The following TGM3 variants were observed in gnomAD, a reference collection of about 807,000 sequenced individuals.
TGM3 encodes transglutaminase 3.
TGM3 carries 52 observed loss-of-function variants against 73.8 expected under a neutral mutation model. The ratio of observed to expected loss-of-function variants is 0.70; its 90% confidence interval spans 0.56 to 0.89. The LOEUF is 0.89. Ranked by LOEUF, TGM3 falls within the 40% of genes least tolerant of loss-of-function variation. TGM3 has a pLI of 0.00. For synonymous variants in TGM3, 372 were observed against 354.9 expected, an observed-to-expected ratio of 1.05 and a Z score of -0.54; for missense variants, 928 against 909.9, an observed-to-expected ratio of 1.02 and a Z score of -0.26.
At position 2,334,485 on chromosome 20, in the gene TGM3, G is replaced by A. The variant is rs1324543212; in HGVS notation, c.1643-631G>A. 1.3e-5 allele frequency among the ~76,000 whole-genome samples: 2 copies of A among 152,202 alleles called. No homozygotes were observed. Among genetic ancestry groups the A allele is most frequent in the Non-Finnish European group, 2.9e-5 (2 of 68,038 alleles). On this transcript the variant is annotated intron_variant, in intron 10 of 12. Coordinates refer to ENST00000381458, the MANE Select transcript of TGM3 (RefSeq NM_003245.4). The surrounding 1 kb of genome is among the most constrained non-coding windows in gnomAD (Gnocchi z 4.0). ...AGAGACCAGACCAGAGGAATGAAGGGGATGCTGTGGCAGTAGAACCCCAGG... is the reference window on the plus strand; with the variant it reads ...AGAGACCAGACCAGAGGAATGAAGGAGATGCTGTGGCAGTAGAACCCCAGG...
chr20:2,340,033 C>CGGGAGGGGGG (rs758400021), intron 12 of TGM3, 46 bp downstream of exon 12: 22 of 198,302 alleles, frequency 1.1e-4, no homozygotes, highest in Non-Finnish European at 1.5e-4. Context: ...CGGGAGGGGG[C>CGGGAGGGGGG]GGGGGGGCCC....
intron 11 of TGM3, among the ~76,000 whole-genome samples, chr20:2,337,712 T>G (rs1487694089): frequency 2.0e-5 from 3 of 151,178 alleles, no homozygotes; most frequent in African/African-American, 7.3e-5. Context: ...AGAGTGAGAC[T>G]CCGTCAAAAA....
chr20:2,322,354 T>C (rs2084266830), intron 7 of TGM3, among the ~76,000 whole-genome samples: 1 of 152,194 alleles, frequency 6.6e-6, no homozygotes, highest in South Asian at 2.1e-4. Flanking sequence ...AGACGGAGCA[T>C]ATAATAGACA....
At chr20:2,340,040 G>GGGGGGGGGGGGGGGCGGGC in intron 12 of TGM3, 53 bp downstream of exon 12, 3 of 944,846 alleles carry the variant, frequency 3.2e-6, no homozygotes, top group Non-Finnish European at 4.8e-6. Context: ...GGGCGGGGGG[G>GGGGGGGGGGGGGGGCGGGC]CCCTCCAGAT....
chr20:2,337,644 C>T (rs534444070), intron 11 of TGM3, among the ~76,000 whole-genome samples: 17 of 150,380 alleles, frequency 1.1e-4, no homozygotes, highest in African/African-American at 2.7e-4. Flanking sequence ...TGCTTGAACC[C>T]GAGAGGCAGC....
intron 7 of TGM3, 124 bp from the exon 8 acceptor site, chr20:2,325,725 T>A: frequency 1.4e-6 from 1 of 720,656 alleles, no homozygotes; most frequent in Non-Finnish European, 2.5e-6. Context: ...ATAACCGCCG[T>A]CACAGGGCAA....
chr20:2,336,931 T>C (rs1456221340), intron 11 of TGM3, among the ~76,000 whole-genome samples: 1 of 152,112 alleles, frequency 6.6e-6, no homozygotes, highest in Admixed American at 6.5e-5. Flanking sequence ...GCTCCCAAAT[T>C]AGGCTCCCAA....
chr20:2,306,266 T>C (rs758098353), intron 1 of TGM3, among the ~76,000 whole-genome samples: 2 of 152,104 alleles, frequency 1.3e-5, no homozygotes, highest in African/African-American at 2.4e-5. Flanking sequence ...GAGCAGACTT[T>C]CTACTTTCAA....
At chr20:2,327,314 C>CAAAA (rs1332804892) in intron 8 of TGM3, among the ~76,000 whole-genome samples, 1 of 143,640 alleles carries the variant, frequency 7.0e-6, no homozygotes. Flanking sequence ...ACTAAAATTA[C>CAAAA]AAAAAAAAAA....
intron 12 of TGM3, 40 bp downstream of exon 12, chr20:2,340,027 A>AGGGGG: frequency 7.5e-6 from 1 of 133,152 alleles, no homozygotes; most frequent in Non-Finnish European, 1.6e-5. Flanking sequence ...GGAGGGCGGG[A>AGGGGG]GGGGGCGGGG....
At position 2,332,189 on chromosome 20, in the gene TGM3, C is replaced by T. The variant is rs974898390; in HGVS notation, c.1521C>T (p.Asn507=). 2.5e-6 allele frequency: 4 copies of T among 1,614,114 alleles called. No individual in the cohort carries two copies. Among genetic ancestry groups the T allele is most frequent in the Non-Finnish European group, 3.4e-6 (4 of 1,179,998 alleles). Residue 507 remains asparagine (N), a synonymous_variant, in exon 10 of 13, where the codon AAC becomes AAT. Coordinates refer to ENST00000381458, the MANE Select transcript of TGM3 (RefSeq NM_003245.4). The surrounding 1 kb of genome is among the most constrained non-coding windows in gnomAD (Gnocchi z 4.4). ...KEVNLVLLLK[N]LSRDTKTVTV... ...TCAACCTGGTCCTACTGCTCAAAAA[C>T]CTGAGCAGGGATACGAAGACAGTGA...
At chr20:2,323,177 T>C (rs2084270490) in intron 7 of TGM3, among the ~76,000 whole-genome samples, 1 of 152,240 alleles carries the variant, frequency 6.6e-6, no homozygotes, top group Non-Finnish European at 1.5e-5. Flanking sequence ...CAGTATACCC[T>C]GAACCCAATT....
chr20:2,329,280 T>C (rs1165946847), intron 9 of TGM3, among the ~76,000 whole-genome samples: 2 of 152,202 alleles, frequency 1.3e-5, no homozygotes, highest in African/African-American at 2.4e-5. Context: ...TAAGTGACGG[T>C]TGGCTAATGG....
intron 11 of TGM3, among the ~76,000 whole-genome samples, chr20:2,339,245 C>T (rs1432069483): frequency 6.6e-6 from 1 of 152,200 alleles, no homozygotes; most frequent in South Asian, 2.1e-4. Flanking sequence ...CCTGGGGCTG[C>T]CCTTTTCAAC....
rs376434552 is a variant in TGM3, at chr20:2,317,334, C to T, written c.848-16C>T. The T allele has an allele frequency of 8.4e-5, 136 of 1,614,056 alleles. No individual in the cohort carries two copies. Among genetic ancestry groups the T allele is most frequent in the Non-Finnish European group, 1.1e-4 (132 of 1,180,034 alleles). ...ATCTCCACCACCTGAGTCCTCACGC[C>T]CACCCTGACTTGCAGCGCTGCGGTC... On this transcript the variant is annotated splice_polypyrimidine_tract_variant and intron_variant, in intron 6 of 12. Transcript: ENST00000381458.
chr20:2,302,764 G>A (rs1256874469), intron 1 of TGM3, among the ~76,000 whole-genome samples: 4 of 136,206 alleles, frequency 2.9e-5, no homozygotes, highest in African/African-American at 1.1e-4. Context: ...ATTACCATGT[G>A]CACATTCATA....
intron 1 of TGM3, among the ~76,000 whole-genome samples, chr20:2,307,127 C>A (rs1206604101): frequency 6.6e-6 from 1 of 152,174 alleles, no homozygotes; most frequent in South Asian, 2.1e-4. Flanking sequence ...TTAATTTATT[C>A]TTTCAATGAA....
intron 11 of TGM3, among the ~76,000 whole-genome samples, chr20:2,335,496 A>G (rs553297143): frequency 6.6e-6 from 1 of 152,306 alleles, no homozygotes; most frequent in Non-Finnish European, 1.5e-5. Flanking sequence ...GGTGAGATAA[A>G]CGCGTGCATT....
intron 10 of TGM3, among the ~76,000 whole-genome samples, chr20:2,333,840 G>A (rs760754880): frequency 1.3e-5 from 2 of 152,226 alleles, no homozygotes; most frequent in Non-Finnish European, 2.9e-5. Context: ...GTTGCTAGAT[G>A]ACCCTGGTTA....
Sources: gnomAD v4.1 joint callset for allele counts (sites outside exome capture counted in the v4.1 genomes callset) on GRCh38, gnomAD v4.1.1 for gene constraint, Gnocchi (gnomAD v3.1) non-coding constraint, MANE v1.5 for transcripts, NCBI Gene and HGNC (gene_info 2026-07-23, HGNC 2026-07-21) for gene names.